Variants in TSPAN9 observed in about 807,000 individuals in gnomAD.
TSPAN9 encodes tetraspanin-9.
Under a neutral mutation model 31.0 loss-of-function variants are expected in TSPAN9, and 16 were observed. That is an observed-to-expected ratio of 0.52 (90% CI 0.35 to 0.78). TSPAN9 has a LOEUF of 0.78. TSPAN9 is among the 30% of genes least tolerant of loss of function. TSPAN9 has a pLI of 0.01. For missense variants in TSPAN9, 272 were observed against 312.5 expected (o/e 0.87, Z 0.98); for synonymous variants, 145 against 121.6 (o/e 1.19, Z -1.27).
At chr12:3,275,324 G>A (rs367980755) in intron 3 of TSPAN9, among the ~76,000 whole-genome samples, 13 of 152,174 alleles carry the variant, frequency 8.5e-5, no homozygotes, top group African/African-American at 1.7e-4. Context: ...AGAAGGGTCC[G>A]GGCTCTGAGC....
intron 2 of TSPAN9, among the ~76,000 whole-genome samples, chr12:3,096,755 T>C (rs2098309274): frequency 6.6e-6 from 1 of 151,462 alleles, no homozygotes; most frequent in South Asian, 2.2e-4. Context: ...TGCAATGGCA[T>C]GATCTCGGCT....
intron 2 of TSPAN9, among the ~76,000 whole-genome samples, chr12:3,106,638 G>T (rs2098314831): frequency 6.6e-6 from 1 of 152,146 alleles, no homozygotes; most frequent in Non-Finnish European, 1.5e-5. Flanking sequence ...ACACGGGGTG[G>T]CATGTGCCTG....
intron 3 of TSPAN9, chr12:3,211,791 T>A: frequency 1.3e-6 from 2 of 1,597,046 alleles, no homozygotes; most frequent in Admixed American, 3.3e-5. Context: ...ACCGTGGTGA[T>A]TTTATAGCAT....
chr12:3,113,491 T>C (rs568264940), intron 2 of TSPAN9, among the ~76,000 whole-genome samples: 4 of 152,346 alleles, frequency 2.6e-5, no homozygotes, highest in African/African-American at 9.6e-5. Flanking sequence ...TTCTTTCTTA[T>C]TTTGTGTCCT....
chr12:3,116,512 C>T (rs1050657412), intron 2 of TSPAN9, among the ~76,000 whole-genome samples: 62 of 152,266 alleles, frequency 4.1e-4, no homozygotes, highest in African/African-American at 1.5e-3. Context: ...AGAAAGAGCC[C>T]TCCGTCCTGA....
chr12:3,094,146 G>A (rs1193352102), intron 2 of TSPAN9, among the ~76,000 whole-genome samples: 1 of 152,160 alleles, frequency 6.6e-6, no homozygotes, highest in African/African-American at 2.4e-5. Context: ...ATAGGCATGA[G>A]TGAGCCACCA....
At chr12:3,264,352 T>C (rs1862504726) in intron 3 of TSPAN9, among the ~76,000 whole-genome samples, 2 of 152,224 alleles carry the variant, frequency 1.3e-5, no homozygotes, top group Non-Finnish European at 1.5e-5. Flanking sequence ...ACCCACCTCC[T>C]CTGGAGCTGG....
At position 3,232,255 on chromosome 12, in the gene TSPAN9, C is replaced by T. The variant is rs180892928; in HGVS notation, c.63+30999C>T. Among the ~76,000 whole-genome samples, 5 of 151,324 alleles carry T rather than the reference C, an allele frequency of 3.3e-5. No individual in the cohort carries two copies. The East Asian group carries it at 5.8e-4, about 18-fold the overall frequency. ...TCTTAAAAATATCTCCTCTCTTGAT[C>T]GCTGGCTTCTGTTATGTTTTTTTTT... On this transcript the variant is annotated intron_variant, in intron 3 of 8. Transcript: ENST00000011898.
intron 5 of TSPAN9, among the ~76,000 whole-genome samples, chr12:3,279,381 A>C (rs569906492): frequency 2.0e-5 from 3 of 152,336 alleles, no homozygotes; most frequent in South Asian, 2.1e-4. Flanking sequence ...CTCTCACTGG[A>C]AGGAATTAAG....
intron 2 of TSPAN9, among the ~76,000 whole-genome samples, chr12:3,092,749 G>A (rs1430459514): frequency 6.6e-6 from 1 of 152,242 alleles, no homozygotes; most frequent in Admixed American, 6.5e-5. Context: ...GTCCCCGTAA[G>A]GACAAGGATG....
chr12:3,137,693 G>A (rs1786329727), intron 2 of TSPAN9, among the ~76,000 whole-genome samples: 1 of 152,180 alleles, frequency 6.6e-6, no homozygotes, highest in African/African-American at 2.4e-5. Context: ...CTGGCAGTAG[G>A]TTTGCTGAGA....
chr12:3,087,951 C>G (rs1038265635), intron 2 of TSPAN9, among the ~76,000 whole-genome samples: 1 of 152,212 alleles, frequency 6.6e-6, no homozygotes, highest in African/African-American at 2.4e-5. Flanking sequence ...GCTTAGGGGC[C>G]CAAAGCTCTC....
Position 3,172,850 on chromosome 12 carries a change from C to T in TSPAN9, c.-17-28327C>T, listed in dbSNP as rs1019904600. On this transcript the variant is annotated intron_variant, in intron 2 of 8. Coordinates refer to ENST00000011898, the MANE Select transcript of TSPAN9 (RefSeq NM_006675.5). This position sits in a 1 kb window ranked among gnomAD's most constrained non-coding sequence, Gnocchi z 4.8. ...ACGTAGGCATGGAAAGGTAACTAAC[C>T]GCACGCGGCAGGCGAGTCTATTAAA... The T allele has an allele frequency of 5.9e-5, 9 of 152,382 alleles. No homozygotes were observed. Among genetic ancestry groups the T allele is most frequent in the East Asian group, 5.8e-4 (3 of 5,188 alleles). The allele number at this position is 152,382 out of a possible 1,614,324, so 9.4% of individuals were successfully genotyped here. A position where few individuals can be genotyped will look rare whatever the true frequency, so the allele number is the denominator to read the frequency against.
rs76542372 is a variant in TSPAN9 at position 3,202,233 on chromosome 12, G to A, written c.63+977G>A. ...CTCTGCCTTTCTTCACCCAAGCCCC[G>A]ACGTAGCACAGATGTTTGGCTCAGT... On this transcript the variant is annotated intron_variant, in intron 3 of 8. Coordinates refer to ENST00000011898, the MANE Select transcript of TSPAN9 (RefSeq NM_006675.5). 1.4e-3 allele frequency among the ~76,000 whole-genome samples: 217 copies of A among 152,262 alleles called. 1 individual carries two copies. The highest frequency in any genetic ancestry group is 2.3e-3 in the Non-Finnish European group (157 of 68,022).
chr12:3,268,993 C>T (rs375881389), intron 3 of TSPAN9, among the ~76,000 whole-genome samples: 761 of 36,882 alleles, frequency 0.021, no homozygotes, highest in East Asian at 0.06. Flanking sequence ...GCCCTCCGTG[C>T]GTTCCTGCAG....
intron 2 of TSPAN9, among the ~76,000 whole-genome samples, chr12:3,165,144 A>T (rs149473069): frequency 4.6e-5 from 7 of 152,166 alleles, no homozygotes; most frequent in Admixed American, 4.6e-4. Flanking sequence ...GAGCTAGAGG[A>T]GGGGAAGTTC....
Position 3,278,485 on chromosome 12 carries a change from C to T in TSPAN9, c.128C>T (p.Thr43Ile), listed in dbSNP as rs1319588529. ...WLSVSQGNFA[T>I]FSPSFPSLSA... ...TCCGTGTCCCAAGGCAACTTTGCCA[C>T]CTTCTCCCCCAGCTTCCCTTCGTTG... Residue 43 changes from threonine (T) to isoleucine (I), a missense_variant, in exon 4 of 9, where the codon ACC (threonine) becomes ATC (isoleucine). Physicochemically the swap from Thr to Ile is moderately conservative, Grantham distance 89. Coordinates refer to ENST00000011898, the MANE Select transcript of TSPAN9 (RefSeq NM_006675.5). 2 of 1,614,216 alleles carry T rather than the reference C, an allele frequency of 1.2e-6. No individual in the cohort carries two copies. Among genetic ancestry groups the T allele is most frequent in the Non-Finnish European group, 1.7e-6 (2 of 1,180,026 alleles).
chr12:3,209,077 A>G (rs1453515352), intron 3 of TSPAN9, among the ~76,000 whole-genome samples: 4 of 152,102 alleles, frequency 2.6e-5, no homozygotes, highest in Non-Finnish European at 4.4e-5. Flanking sequence ...TCTACTAAAA[A>G]TACAAAAATT....
intron 2 of TSPAN9, among the ~76,000 whole-genome samples, chr12:3,158,270 A>C (rs759751910): frequency 8.7e-4 from 132 of 152,168 alleles, no homozygotes; most frequent in Non-Finnish European, 1.3e-3. Context: ...GTGGCTGTTC[A>C]GTCTGTCTGC....
Sources: gnomAD v4.1 joint callset for allele counts (sites outside exome capture counted in the v4.1 genomes callset) on GRCh38, gnomAD v4.1.1 for gene constraint, Gnocchi (gnomAD v3.1) non-coding constraint, MANE v1.5 for transcripts, NCBI Gene and HGNC (gene_info 2026-07-23, HGNC 2026-07-21) for gene names.